Variants in MAMDC2 observed in about 807,000 individuals in gnomAD.
The protein encoded by MAMDC2 is MAM domain containing 2, also known as MAM domain-containing protein 2.
MAMDC2 carries 57 observed loss-of-function variants against 89.8 expected under a neutral mutation model. The ratio of observed to expected loss-of-function variants is 0.63; its 90% confidence interval spans 0.51 to 0.79. The LOEUF is 0.79. MAMDC2 is among the 30% of genes least tolerant of loss of function. The pLI is 0.00. For missense variants in MAMDC2, 800 were observed against 820.6 expected, an observed-to-expected ratio of 0.97 and a Z score of 0.31; for synonymous variants, 313 against 293.4, an observed-to-expected ratio of 1.07 and a Z score of -0.68.
At chr9:70,106,811 G>A (rs764985491) in intron 2 of MAMDC2, among the ~76,000 whole-genome samples, 7 of 152,114 alleles carry the variant, frequency 4.6e-5, no homozygotes, top group Non-Finnish European at 7.3e-5. Flanking sequence ...TCCTTCAGTC[G>A]GCAAGAAAGG....
intron 11 of MAMDC2, among the ~76,000 whole-genome samples, chr9:70,179,904 C>T (rs896155285): frequency 1.5e-5 from 2 of 129,214 alleles, no homozygotes; most frequent in Non-Finnish European, 1.6e-5. Flanking sequence ...TTCTGGGATA[C>T]AAGTGCAGAA....
At chr9:70,053,912 G>A (rs547702635) in intron 2 of MAMDC2, among the ~76,000 whole-genome samples, 4 of 152,238 alleles carry the variant, frequency 2.6e-5, no homozygotes, top group Admixed American at 1.3e-4. Context: ...GGTGTGAAAG[G>A]CAAGCAGTAA....
At position 70,226,814 on chromosome 9, in the gene MAMDC2, T is replaced by A. The variant is rs2033646194; in HGVS notation, c.*782T>A. ...TGTTAAACAATTTTACTGATTTTTATAATAAATATTTTGGTAAGATTTTGA... is the reference window on the plus strand; with the variant it reads ...TGTTAAACAATTTTACTGATTTTTAAAATAAATATTTTGGTAAGATTTTGA... On this transcript the variant is annotated 3_prime_UTR_variant, in exon 14 of 14. Coordinates refer to ENST00000377182, the MANE Select transcript of MAMDC2 (RefSeq NM_153267.5). The A allele has an allele frequency of 1.3e-5, 2 of 152,126 alleles. No individual in the cohort carries two copies. Among genetic ancestry groups the A allele is most frequent in the South Asian group, 2.1e-4 (1 of 4,834 alleles). 9.4% of individuals were successfully genotyped at this position (152,126 alleles called of 1,614,324 possible).
chr9:70,219,345 G>C lies in MAMDC2; in HGVS notation c.1911+749G>C, dbSNP rs1587582735. On this transcript the variant is annotated intron_variant, in intron 12 of 13. Transcript: ENST00000377182. Reference sequence around the variant, plus strand: ...GGGAGATGATAACGTTCAGATTTCTGACTGTTCTTAAAATTGCTCTGTAGA... The same window carrying C: ...GGGAGATGATAACGTTCAGATTTCTCACTGTTCTTAAAATTGCTCTGTAGA... Among the ~76,000 whole-genome samples, 7 of 152,288 alleles carry C rather than the reference G, an allele frequency of 4.6e-5. 2 individuals carry two copies. Among genetic ancestry groups the C allele is most frequent in the Admixed American group, 4.6e-4 (7 of 15,288 alleles).
At chr9:70,086,865 A>T (rs1413201981) in intron 2 of MAMDC2, 1 of 152,148 alleles carries the variant, frequency 6.6e-6, no homozygotes, top group East Asian at 1.9e-4. Context: ...ACCCATTCTA[A>T]CAAAACCTTA....
At chr9:70,212,945 G>C (rs996452817) in intron 11 of MAMDC2, among the ~76,000 whole-genome samples, 1 of 152,168 alleles carries the variant, frequency 6.6e-6, no homozygotes, top group African/African-American at 2.4e-5. Context: ...GGCTATCCCT[G>C]ATTTAGTTAG....
At chr9:70,160,119 C>T (rs7033482) in intron 9 of MAMDC2, among the ~76,000 whole-genome samples, 80 of 151,988 alleles carry the variant, frequency 5.3e-4, no homozygotes, top group African/African-American at 1.7e-3. Flanking sequence ...GGCTGAGACA[C>T]GAGAATCCCT....
chr9:70,202,612 T>C (rs1228040745), intron 11 of MAMDC2, among the ~76,000 whole-genome samples: 1 of 146,432 alleles, frequency 6.8e-6, no homozygotes, highest in Non-Finnish European at 1.5e-5. Context: ...GGTATCCTTG[T>C]TGACTTTCTG....
At chr9:70,190,718 C>T (rs2032860216) in intron 11 of MAMDC2, among the ~76,000 whole-genome samples, 1 of 152,042 alleles carries the variant, frequency 6.6e-6, no homozygotes, top group Admixed American at 6.6e-5. Flanking sequence ...CTTCAACTGT[C>T]AATGCCACCT....
At chr9:70,168,622 G>A in intron 9 of MAMDC2, 80 bp from the exon 10 acceptor site, 2 of 1,124,468 alleles carry the variant, frequency 1.8e-6, no homozygotes, top group East Asian at 2.4e-5. Context: ...CTCGCCTGCT[G>A]TGCTAAGTGA....
chr9:70,101,312 A>C (rs1437538247), intron 2 of MAMDC2, among the ~76,000 whole-genome samples: 1 of 152,176 alleles, frequency 6.6e-6, no homozygotes, highest in Non-Finnish European at 1.5e-5. Flanking sequence ...TAATTTATAA[A>C]GTAAAAAGGT....
intron 11 of MAMDC2, among the ~76,000 whole-genome samples, chr9:70,204,585 C>T (rs4440686): frequency 0.068 from 10,208 of 150,816 alleles, 505 homozygotes; most frequent in East Asian, 0.21. Context: ...GGGCTCCACC[C>T]AGTTCGAGCT....
At chr9:70,156,316 G>A (rs2031763881) in intron 9 of MAMDC2, among the ~76,000 whole-genome samples, 2 of 152,122 alleles carry the variant, frequency 1.3e-5, no homozygotes, top group Non-Finnish European at 2.9e-5. Flanking sequence ...AATTTTAAAG[G>A]CAGCTCTAGA....
At chr9:70,132,310 C>G (rs1203979850) in intron 7 of MAMDC2, among the ~76,000 whole-genome samples, 1 of 151,896 alleles carries the variant, frequency 6.6e-6, no homozygotes, top group Non-Finnish European at 1.5e-5. Context: ...TAATGATAAC[C>G]CAGATAAATA....
rs779446797 is a variant in MAMDC2, at chr9:70,108,306, C to T, written c.244C>T (p.Arg82Cys). The T allele has an allele frequency of 1.4e-5, 22 of 1,613,940 alleles. No individual in the cohort carries two copies. The highest frequency in any genetic ancestry group is 3.3e-5 in the Admixed American group (2 of 59,998). ...ACAGGCTGAGGAATGGAGCTGCCTC[C>T]GTTTGGTCTACCAGATAACCACATC... Reference protein sequence around the residue: ...DLQAEEWSCLRLVYQITTSSE... With the variant: ...DLQAEEWSCLCLVYQITTSSE... Residue 82 changes from arginine to cysteine, a missense_variant, in exon 3 of 14, where the codon CGT becomes TGT. Physicochemically the swap from Arg to Cys is radical, Grantham distance 180. Transcript: ENST00000377182.
intron 11 of MAMDC2, among the ~76,000 whole-genome samples, chr9:70,214,102 T>G (rs936309772): frequency 6.6e-6 from 1 of 152,208 alleles, no homozygotes; most frequent in African/African-American, 2.4e-5. Flanking sequence ...AAAATCTCTG[T>G]CCTTGTGAAT....
intron 9 of MAMDC2, among the ~76,000 whole-genome samples, chr9:70,144,345 T>G (rs2031325908): frequency 6.6e-6 from 1 of 152,108 alleles, no homozygotes; most frequent in Non-Finnish European, 1.5e-5. Context: ...CAGAGAGAAT[T>G]TACATAAGGG....
At chr9:70,200,483 C>T (rs918560418) in intron 11 of MAMDC2, among the ~76,000 whole-genome samples, 2 of 151,684 alleles carry the variant, frequency 1.3e-5, no homozygotes, top group Admixed American at 1.3e-4. Context: ...AGTCAGGTAG[C>T]GTGATTCCTC....
intron 12 of MAMDC2, among the ~76,000 whole-genome samples, chr9:70,221,628 AAG>A (rs981973258): frequency 5.3e-5 from 8 of 151,870 alleles, no homozygotes; most frequent in East Asian, 3.9e-4. Context: ...CAAAATAACT[AAG>A]AGAGTAAATT....
Sources: gnomAD v4.1 joint callset for allele counts (sites outside exome capture counted in the v4.1 genomes callset) on GRCh38, gnomAD v4.1.1 for gene constraint, MANE v1.5 for transcripts, NCBI Gene and HGNC (gene_info 2026-07-23, HGNC 2026-07-21) for gene names.